The following CFAP299 variants were observed in gnomAD, a reference collection of about 807,000 sequenced individuals.
CFAP299 encodes cilia and flagella associated protein 299, also known as cilia- and flagella-associated protein 299.
CFAP299 carries 21 observed loss-of-function variants against 27.0 expected under a neutral mutation model. That is an observed-to-expected ratio of 0.78 (90% CI 0.55 to 1.12). The LOEUF (loss-of-function observed/expected upper bound fraction) is 1.12, where lower values mean the gene tolerates loss of function less well. CFAP299 is among the 50% of genes most tolerant of loss of function. The pLI is 0.00. For synonymous variants in CFAP299, 104 were observed against 98.1 expected, an observed-to-expected ratio of 1.06 and a Z score of -0.36; for missense variants, 310 against 276.6, an observed-to-expected ratio of 1.12 and a Z score of -0.86.
intron 3 of CFAP299, among the ~76,000 whole-genome samples, chr4:80,630,405 A>G (rs1560666645): frequency 6.6e-6 from 1 of 152,202 alleles, no homozygotes; most frequent in Non-Finnish European, 1.5e-5. Context: ...GAAAATTCAC[A>G]TCATGCTTTA....
At chr4:80,448,236 T>G (rs1454353177) in intron 2 of CFAP299, among the ~76,000 whole-genome samples, 2 of 152,192 alleles carry the variant, frequency 1.3e-5, no homozygotes, top group African/African-American at 4.8e-5. Flanking sequence ...GTGTCTGGTG[T>G]TGAAAATGTC....
chr4:80,427,052 C>T (rs890909212), intron 2 of CFAP299, among the ~76,000 whole-genome samples: 2 of 152,072 alleles, frequency 1.3e-5, no homozygotes. Context: ...AACTTGTCAT[C>T]AGTAAAATAA....
At chr4:80,355,094 G>T (rs941844801) in intron 1 of CFAP299, among the ~76,000 whole-genome samples, 1 of 152,078 alleles carries the variant, frequency 6.6e-6, no homozygotes, top group African/African-American at 2.4e-5. Flanking sequence ...TTGAGGAATT[G>T]CTGCACTATC....
chr4:80,901,403 G>A (rs183845174), intron 4 of CFAP299, among the ~76,000 whole-genome samples: 20 of 152,240 alleles, frequency 1.3e-4, no homozygotes, highest in Non-Finnish European at 7.4e-5. Context: ...GTGTAGTTAT[G>A]CAATGGGTGT....
intron 3 of CFAP299, among the ~76,000 whole-genome samples, chr4:80,617,290 A>G (rs990094799): frequency 6.6e-6 from 1 of 152,090 alleles, no homozygotes; most frequent in African/African-American, 2.4e-5. Context: ...AACATGTCAT[A>G]TTTACCTGGA....
At chr4:80,659,936 G>C (rs1361325673) in intron 3 of CFAP299, among the ~76,000 whole-genome samples, 2 of 151,982 alleles carry the variant, frequency 1.3e-5, no homozygotes, top group Non-Finnish European at 2.9e-5. Context: ...AAATATTTAG[G>C]TAACTTTCAA....
chr4:80,908,647 A>G (rs1320977972), intron 4 of CFAP299, among the ~76,000 whole-genome samples: 1 of 152,206 alleles, frequency 6.6e-6, no homozygotes, highest in Non-Finnish European at 1.5e-5. Flanking sequence ...TGTTCTTTAG[A>G]CATAAATGTG....
intron 4 of CFAP299, among the ~76,000 whole-genome samples, chr4:80,936,349 A>G (rs986820975): frequency 6.6e-6 from 1 of 152,170 alleles, no homozygotes; most frequent in African/African-American, 2.4e-5. Context: ...TGTTCATTGC[A>G]GCACTATTCA....
intron 3 of CFAP299, among the ~76,000 whole-genome samples, chr4:80,706,530 C>A (rs1160031429): frequency 1.3e-5 from 2 of 151,606 alleles, no homozygotes; most frequent in Non-Finnish European, 3.0e-5. Flanking sequence ...TAATCATAGT[C>A]ATTGATACAT....
intron 4 of CFAP299, among the ~76,000 whole-genome samples, chr4:80,878,451 C>T (rs957571603): frequency 1.3e-5 from 2 of 152,054 alleles, no homozygotes; most frequent in Non-Finnish European, 2.9e-5. Flanking sequence ...TCAGGAAGCA[C>T]CTAATGTCAA....
intron 3 of CFAP299, among the ~76,000 whole-genome samples, chr4:80,604,424 A>G (rs554515920): frequency 7.2e-5 from 11 of 152,282 alleles, no homozygotes; most frequent in Admixed American, 2.6e-4. Flanking sequence ...GCATCAGTCC[A>G]GTGCTCCGCT....
At chr4:80,394,784 A>T (rs1320209341) in intron 2 of CFAP299, among the ~76,000 whole-genome samples, 1 of 151,872 alleles carries the variant, frequency 6.6e-6, no homozygotes, top group East Asian at 1.9e-4. Flanking sequence ...ATTGGCTTGT[A>T]TGTCTGTTTT....
At chr4:80,776,323 A>G (rs1446177510) in intron 3 of CFAP299, among the ~76,000 whole-genome samples, 1 of 152,124 alleles carries the variant, frequency 6.6e-6, no homozygotes, top group Non-Finnish European at 1.5e-5. Flanking sequence ...GGGTGTTTCT[A>G]GCACCAGAGA....
chr4:80,535,439 G>C (rs1733688044), intron 2 of CFAP299, among the ~76,000 whole-genome samples: 1 of 70,612 alleles, frequency 1.4e-5, no homozygotes, highest in Non-Finnish European at 2.4e-5. Flanking sequence ...AGCTTGCAGT[G>C]AGCCGAGATC....
chr4:80,432,154 A>AT (rs2110079224), intron 2 of CFAP299, among the ~76,000 whole-genome samples: 1 of 145,952 alleles, frequency 6.9e-6, no homozygotes, highest in African/African-American at 2.5e-5. Context: ...TAGTTATTTC[A>AT]TTTTTTGTTT....
chr4:80,388,710 G>A lies in CFAP299; in HGVS notation c.242+25826G>A, dbSNP rs140564658. On this transcript the variant is annotated intron_variant, in intron 2 of 5. Coordinates refer to ENST00000358105, the MANE Select transcript of CFAP299 (RefSeq NM_152770.3). ...CCCTCCAGGGCCTTAAAGATCACCT[G>A]CACCATCTTGGAGCCCCTATATTTC... The A allele has an allele frequency of 6.7e-4, 500 of 751,360 alleles. 3 individuals are homozygous for A. In the African/African-American group the frequency reaches 7.6e-3, roughly 11 times the overall value. The allele number at this position is 751,360 out of a possible 1,614,324, so 46.5% of individuals were successfully genotyped here. A position where few individuals can be genotyped will look rare whatever the true frequency, so the allele number is the denominator to read the frequency against.
At chr4:80,706,805 A>G (rs979248289) in intron 3 of CFAP299, among the ~76,000 whole-genome samples, 9 of 152,090 alleles carry the variant, frequency 5.9e-5, no homozygotes, top group Non-Finnish European at 1.0e-4. Flanking sequence ...TTAGATATAC[A>G]TATGGGCTCT....
chr4:80,692,814 A>G (rs1398368304), intron 3 of CFAP299, among the ~76,000 whole-genome samples: 2 of 152,240 alleles, frequency 1.3e-5, no homozygotes, highest in African/African-American at 4.8e-5. Flanking sequence ...AAGGGCTGAT[A>G]TCCAGAATCT....
At position 80,335,761 on chromosome 4, in the gene CFAP299, A is replaced by C. The variant is rs938915809; in HGVS notation, c.-8A>C. On this transcript the variant is annotated 5_prime_UTR_variant, in exon 1 of 6. Coordinates refer to ENST00000358105, the MANE Select transcript of CFAP299 (RefSeq NM_152770.3). The stretch of plus-strand genomic sequence containing the variant: ...GTTGCTAGGGACGCTTCGGCCGAGG[A>C]TACCGCAATGGATCAGGAAGAGGGG... 2.5e-6 allele frequency: 4 copies of C among 1,578,710 alleles called. No homozygotes were observed. The African/African-American group carries it at 5.4e-5, about 21-fold the overall frequency.
Sources: allele counts gnomAD v4.1 joint callset (sites outside exome capture counted in the v4.1 genomes callset), GRCh38; gene constraint gnomAD v4.1.1; transcripts MANE v1.5; gene names NCBI Gene and HGNC (gene_info 2026-07-23, HGNC 2026-07-21).